CAMK2A: variants seen among roughly 807,000 people sequenced by gnomAD.
CAMK2A encodes calcium/calmodulin dependent protein kinase II alpha.
Under a neutral mutation model 79.2 loss-of-function variants are expected in CAMK2A, and 7 were observed. The observed-to-expected ratio is 0.09, with a 90% confidence interval of 0.05 to 0.17. The LOEUF is 0.17. Among genes scored for constraint, CAMK2A ranks in the 10% least tolerant of loss-of-function variants. The probability of loss-of-function intolerance (pLI) is 1.00; values close to 1 mark genes in which losing one functional copy is unlikely to be tolerated. For synonymous variants in CAMK2A, 242 were observed against 251.7 expected (o/e 0.96, Z 0.36); for missense variants, 214 against 646.4 (o/e 0.33, Z 7.25).
chr5:150,237,473 C>T (rs1340090310), intron 15 of CAMK2A, among the ~76,000 whole-genome samples: 1 of 152,064 alleles, frequency 6.6e-6, no homozygotes, highest in African/African-American at 2.4e-5. Context: ...TGGCTGCTAA[C>T]ACTTGGAGGA....
intron 13 of CAMK2A, among the ~76,000 whole-genome samples, chr5:150,239,970 G>A (rs1264006925): frequency 1.3e-5 from 2 of 152,128 alleles, no homozygotes; most frequent in East Asian, 3.9e-4. Context: ...CACACTGCCT[G>A]GGTCTAGCGA....
At chr5:150,273,237 A>G (rs1039094633) in intron 1 of CAMK2A, 78 bp from the exon 2 acceptor site, 1 of 1,071,942 alleles carries the variant, frequency 9.3e-7, no homozygotes, top group Non-Finnish European at 1.4e-6. Flanking sequence ...AGTTCACATC[A>G]CTGCCCCACG....
In CAMK2A at chr5:150,238,871, G is replaced by A. The variant is rs145693760; in HGVS notation, c.1018-123C>T. On this transcript the variant is annotated intron_variant, in intron 14 of 18. Coordinates refer to ENST00000671881, the MANE Select transcript of CAMK2A (RefSeq NM_015981.4). ...GCCTCACAGGCTCTGCCTTCCAGAT[G>A]CTGTCCTGAAAACCCTGTCAGATTC... The A allele has an allele frequency of 1.2e-4, 94 of 798,168 alleles. No individual in the cohort carries two copies. In the African/African-American group the frequency reaches 1.4e-3, roughly 12 times the overall value. 49.4% of individuals were successfully genotyped at this position (798,168 alleles called of 1,614,324 possible). A position where few individuals can be genotyped will look rare whatever the true frequency, so the allele number is the denominator to read the frequency against.
chr5:150,245,324 C>A, intron 12 of CAMK2A, 123 bp from the exon 13 acceptor site: 2 of 812,454 alleles, frequency 2.5e-6, no homozygotes, highest in South Asian at 1.7e-5. Context: ...GCTGGCCCAG[C>A]GATCCTGGGG....
At chr5:150,235,060 A>G (rs1486606362) in intron 15 of CAMK2A, among the ~76,000 whole-genome samples, 1 of 152,206 alleles carries the variant, frequency 6.6e-6, no homozygotes. Context: ...ACGTGCACAC[A>G]ATATCAGGTG....
At chr5:150,266,998 A>T (rs78181177) in intron 2 of CAMK2A, among the ~76,000 whole-genome samples, 4,620 of 152,280 alleles carry the variant, frequency 0.03, 240 homozygotes, top group African/African-American at 0.11. Context: ...ATCAATACTG[A>T]AAGGTGGCTT....
At position 150,222,645 on chromosome 5, in the gene CAMK2A, A is replaced by C; in HGVS notation, c.*65T>G. 1 of 1,586,320 alleles carries C rather than the reference A, an allele frequency of 6.3e-7. No homozygotes were observed. On this transcript the variant is annotated 3_prime_UTR_variant, in exon 19 of 19. Transcript: ENST00000671881. ...GCAAAATCCACCTGGGAGAACCAGC[A>C]GCTCCACTCCACGGACAGAGTGGAT...
chr5:150,237,391 C>A (rs1159561144), intron 15 of CAMK2A, among the ~76,000 whole-genome samples: 1 of 152,106 alleles, frequency 6.6e-6, no homozygotes, highest in East Asian at 1.9e-4. Flanking sequence ...ACTACCACCA[C>A]CACCAGGCAT....
chr5:150,241,258 G>A (rs937938582), intron 13 of CAMK2A, among the ~76,000 whole-genome samples: 6 of 152,156 alleles, frequency 3.9e-5, no homozygotes, highest in Non-Finnish European at 8.8e-5. Context: ...AGCTGGGCTG[G>A]ATGGTGTGGC....
chr5:150,283,237 T>C (rs1757287957), intron 1 of CAMK2A, among the ~76,000 whole-genome samples: 1 of 152,034 alleles, frequency 6.6e-6, no homozygotes, highest in Admixed American at 6.6e-5. Flanking sequence ...CAGAGAAGAG[T>C]GGGACCCCAG....
chr5:150,271,294 A>C (rs1756737892), intron 2 of CAMK2A, among the ~76,000 whole-genome samples: 1 of 151,862 alleles, frequency 6.6e-6, no homozygotes, highest in South Asian at 2.1e-4. Flanking sequence ...TCCTTCAGAG[A>C]CCCTCACCCT....
At chr5:150,267,577 T>G (rs1450657186) in intron 2 of CAMK2A, among the ~76,000 whole-genome samples, 1 of 152,238 alleles carries the variant, frequency 6.6e-6, no homozygotes, top group Non-Finnish European at 1.5e-5. Context: ...AACCTGCATT[T>G]TCACTGTTGA....
intron 13 of CAMK2A, among the ~76,000 whole-genome samples, chr5:150,243,645 A>C (rs1290921173): frequency 6.6e-6 from 1 of 152,234 alleles, no homozygotes; most frequent in African/African-American, 2.4e-5. Context: ...AGTCTAATAC[A>C]TAAAATAGAG....
At chr5:150,243,847 G>T (rs1454557671) in intron 13 of CAMK2A, among the ~76,000 whole-genome samples, 1 of 152,158 alleles carries the variant, frequency 6.6e-6, no homozygotes, top group East Asian at 1.9e-4. Flanking sequence ...CCAGCTGCAG[G>T]CAAGCCCAAG....
At chr5:150,267,596 A>G (rs567363890) in intron 2 of CAMK2A, among the ~76,000 whole-genome samples, 1 of 152,228 alleles carries the variant, frequency 6.6e-6, no homozygotes, top group Non-Finnish European at 1.5e-5. Flanking sequence ...GAAAGCATTC[A>G]TCCTACTGAG....
At chr5:150,239,601 C>A (rs1360465607) in intron 14 of CAMK2A, 103 bp downstream of exon 14, 3 of 1,056,714 alleles carry the variant, frequency 2.8e-6, no homozygotes, top group African/African-American at 1.6e-5. Context: ...GCCCTGAGCA[C>A]CCTCTCCCCG....
intron 17 of CAMK2A, among the ~76,000 whole-genome samples, chr5:150,227,604 G>A (rs1239736907): frequency 6.6e-6 from 1 of 152,166 alleles, no homozygotes; most frequent in Non-Finnish European, 1.5e-5. Flanking sequence ...TCAACCCCCT[G>A]AAGCTCCTGG....
chr5:150,239,481 G>T (rs1263806778), intron 14 of CAMK2A, among the ~76,000 whole-genome samples: 1 of 152,180 alleles, frequency 6.6e-6, no homozygotes, highest in Non-Finnish European at 1.5e-5. Flanking sequence ...TCTCAGGTCT[G>T]CTGTCAGCCT....
At position 150,289,597 on chromosome 5, in the gene CAMK2A, G is replaced by A. The variant is rs1160900025; in HGVS notation, c.29C>T (p.Thr10Met). The part of the protein sequence containing the change: MATITCTRF[T>M]EEYQLFEELG... ...TTCCTCGAAGAGCTGGTACTCTTCC[G>A]TGAAGCGGGTGCAGGTGATGGTGGC... Residue 10 changes from threonine (T) to methionine (M), a missense_variant, in exon 1 of 19, where the codon ACG becomes ATG. By Grantham distance (81) the Thr-to-Met change is moderately conservative (BLOSUM62 -1). Coordinates refer to ENST00000671881, the MANE Select transcript of CAMK2A (RefSeq NM_015981.4). The A allele has an allele frequency of 1.9e-6, 3 of 1,613,912 alleles. No homozygotes were observed. The highest frequency in any genetic ancestry group is 1.7e-5 in the Admixed American group (1 of 60,008).
Sources: allele counts gnomAD v4.1 joint callset (sites outside exome capture counted in the v4.1 genomes callset), GRCh38; gene constraint gnomAD v4.1.1; transcripts MANE v1.5; gene names NCBI Gene and HGNC (gene_info 2026-07-23, HGNC 2026-07-21).